Variants in MYT1L observed in about 807,000 individuals in gnomAD.
MYT1L encodes the protein myelin transcription factor 1-like protein.
In MYT1L, 12 loss-of-function variants were observed where a neutral mutation model predicts 126.7. That is an observed-to-expected ratio of 0.09 (90% CI 0.06 to 0.15). MYT1L has a LOEUF of 0.15. MYT1L is among the 10% of genes least tolerant of loss of function. The probability of loss-of-function intolerance (pLI) is 1.00; values close to 1 mark genes in which losing one functional copy is unlikely to be tolerated. For missense variants in MYT1L, 979 were observed against 1,585.2 expected (o/e 0.62, Z 6.49); for synonymous variants, 541 against 604.2 (o/e 0.90, Z 1.53).
chr2:2,321,563 G>A (rs1370744526), intron 1 of MYT1L, among the ~76,000 whole-genome samples: 3 of 152,236 alleles, frequency 2.0e-5, no homozygotes, highest in South Asian at 4.1e-4. Flanking sequence ...GGAGTCAAGA[G>A]GTGATGCCGA....
chr2:2,213,604 C>G lies in MYT1L; in HGVS notation c.-420-40616G>C, dbSNP rs559252633. ...AACCTTATATTCACAGTGCCTTCAG[C>G]AGAGCACTCAGAAGGCCTCAACTTA... On this transcript the variant is annotated intron_variant, in intron 2 of 24. Transcript: ENST00000647738. 5.9e-5 allele frequency among the ~76,000 whole-genome samples: 9 copies of G among 152,296 alleles called. No homozygotes were observed. In the East Asian group the frequency reaches 1.7e-3, roughly 29 times the overall value.
At position 2,205,489 on chromosome 2, in the gene MYT1L, A is replaced by G. The variant is rs540234847; in HGVS notation, c.-420-32501T>C. 2.6e-5 allele frequency among the ~76,000 whole-genome samples: 4 copies of G among 152,328 alleles called. No individual in the cohort carries two copies. The South Asian group carries it at 6.2e-4, about 24-fold the overall frequency. On this transcript the variant is annotated intron_variant, in intron 2 of 24. Coordinates refer to ENST00000647738, the MANE Select transcript of MYT1L (RefSeq NM_001303052.2). ...GAAAGAAACAAAAAAGGAAGACTGAATTATAAATGTAATAATGCATATAAT... is the reference window on the plus strand; with the variant it reads ...GAAAGAAACAAAAAAGGAAGACTGAGTTATAAATGTAATAATGCATATAAT...
chr2:2,304,114 T>A (rs1208066538), intron 1 of MYT1L: 1 of 152,204 alleles, frequency 6.6e-6, no homozygotes, highest in East Asian at 1.9e-4. Context: ...TGTACAGGAT[T>A]TAACAAAATA....
rs142835760 is a variant in MYT1L at position 1,793,786 on chromosome 2, C to G, written c.3277-1322G>C. Among the ~76,000 whole-genome samples, 576 of 152,256 alleles carry G rather than the reference C, an allele frequency of 3.8e-3. 11 individuals are homozygous for G. The highest frequency in any genetic ancestry group is 0.017 in the East Asian group (90 of 5,154). On this transcript the variant is annotated intron_variant, in intron 23 of 24. Coordinates refer to ENST00000647738, the MANE Select transcript of MYT1L (RefSeq NM_001303052.2). The surrounding 1 kb of genome is among the most constrained non-coding windows in gnomAD (Gnocchi z 4.6). ...CCATGCACGTCCTGGGTGACCTTCT[C>G]ATTCGTGTTCTTTGGGGTTATTTAT...
At chr2:1,880,164 T>A (rs1398003534) in intron 18 of MYT1L, among the ~76,000 whole-genome samples, 1 of 152,100 alleles carries the variant, frequency 6.6e-6, no homozygotes, top group African/African-American at 2.4e-5. Context: ...GGCAAACAGA[T>A]CAATTTGGTC....
At chr2:1,798,637 G>C (rs1437851522) in intron 23 of MYT1L, among the ~76,000 whole-genome samples, 3 of 152,202 alleles carry the variant, frequency 2.0e-5, no homozygotes, top group Non-Finnish European at 4.4e-5. Context: ...GGTCAGAGTG[G>C]ACAAGAAAAC....
At chr2:2,165,722 G>A (rs1226463202) in intron 3 of MYT1L, among the ~76,000 whole-genome samples, 1 of 151,922 alleles carries the variant, frequency 6.6e-6, no homozygotes, top group Non-Finnish European at 1.5e-5. Context: ...TTTCTTGAAT[G>A]TTGTATTCAA....
intron 3 of MYT1L, among the ~76,000 whole-genome samples, chr2:2,155,290 T>C (rs1403849197): frequency 6.6e-6 from 1 of 152,252 alleles, no homozygotes; most frequent in Admixed American, 6.5e-5. Context: ...AAGTGGCTCC[T>C]GGATAGCACA....
chr2:2,063,433 A>G (rs2070797377), intron 3 of MYT1L, among the ~76,000 whole-genome samples: 1 of 151,996 alleles, frequency 6.6e-6, no homozygotes, highest in South Asian at 2.1e-4. Context: ...GGGCCTTCTG[A>G]CCTGTCGGGG....
At chr2:2,085,981 C>G (rs1044516358) in intron 3 of MYT1L, among the ~76,000 whole-genome samples, 4 of 152,194 alleles carry the variant, frequency 2.6e-5, no homozygotes, top group Non-Finnish European at 4.4e-5. Flanking sequence ...TCTCAACCTA[C>G]CGCTAGTATT....
intron 3 of MYT1L, among the ~76,000 whole-genome samples, chr2:2,143,014 G>T (rs897255759): frequency 2.0e-5 from 3 of 150,790 alleles, no homozygotes; most frequent in Non-Finnish European, 4.4e-5. Flanking sequence ...TTGTAGGCTG[G>T]GCGCGGTGGC....
intron 5 of MYT1L, among the ~76,000 whole-genome samples, chr2:1,995,059 T>C (rs555434593): frequency 1.3e-5 from 2 of 152,162 alleles, no homozygotes; most frequent in Admixed American, 6.5e-5. Context: ...GAAATGAAAA[T>C]GTTCTGAAAG....
At chr2:1,855,744 C>G (rs967279010) in intron 18 of MYT1L, among the ~76,000 whole-genome samples, 1 of 151,946 alleles carries the variant, frequency 6.6e-6, no homozygotes, top group African/African-American at 2.4e-5. Context: ...AGATGATGAA[C>G]AAATAATCTT....
rs2070027042 is a variant in MYT1L, at chr2:2,059,085, T to A, written c.-303-4962A>T. On this transcript the variant is annotated intron_variant, in intron 3 of 24. Transcript: ENST00000647738. The surrounding 1 kb of genome is among the most constrained non-coding windows in gnomAD (Gnocchi z 4.7). ...CTGTTTGAGAGAAGGAAGAATTCAC[T>A]CAGTCTTATAGACACAGTGGTCTTG... 6.6e-6 allele frequency among the ~76,000 whole-genome samples: 1 copy of A among 152,158 alleles called. No individual in the cohort carries two copies. The highest frequency in any genetic ancestry group is 6.5e-5 in the Admixed American group (1 of 15,282).
chr2:1,808,484 C>A (rs1431751733), intron 22 of MYT1L, among the ~76,000 whole-genome samples: 1 of 152,208 alleles, frequency 6.6e-6, no homozygotes, highest in Non-Finnish European at 1.5e-5. Context: ...GTCCCCAGAT[C>A]ATGAGGGTGG....
chr2:1,950,123 C>T (rs1246643537), intron 8 of MYT1L, among the ~76,000 whole-genome samples: 3 of 150,684 alleles, frequency 2.0e-5, no homozygotes, highest in East Asian at 4.1e-4. Flanking sequence ...TAATTCCTAA[C>T]TTTGAGGGAC....
intron 9 of MYT1L, among the ~76,000 whole-genome samples, chr2:1,941,339 T>A (rs11902290): frequency 0.016 from 2,421 of 152,260 alleles, 64 homozygotes; most frequent in African/African-American, 0.055. Context: ...AGAGCCACAT[T>A]GTATACCATC....
intron 3 of MYT1L, among the ~76,000 whole-genome samples, chr2:2,129,774 C>T (rs967634951): frequency 3.3e-5 from 5 of 151,988 alleles, no homozygotes; most frequent in South Asian, 2.1e-4. Context: ...GGTGTGGTGG[C>T]GGGCGCCTGT....
chr2:1,820,299 T>C (rs2038345531), intron 21 of MYT1L, among the ~76,000 whole-genome samples: 2 of 152,220 alleles, frequency 1.3e-5, no homozygotes, highest in African/African-American at 4.8e-5. Context: ...TGCTGTTGAG[T>C]ACATCTCTTA....
Sources: allele counts gnomAD v4.1 joint callset (sites outside exome capture counted in the v4.1 genomes callset), GRCh38; gene constraint gnomAD v4.1.1; non-coding constraint Gnocchi (gnomAD v3.1); transcripts MANE v1.5; gene names NCBI Gene and HGNC (gene_info 2026-07-23, HGNC 2026-07-21).